DTNA: variants seen among roughly 807,000 people sequenced by gnomAD.
The protein encoded by DTNA is dystrophin-related protein 3.
A neutral mutation model predicts 100.7 loss-of-function variants in DTNA; 43 were observed. That is an observed-to-expected ratio of 0.43 (90% CI 0.33 to 0.55). DTNA has a LOEUF of 0.55. Ranked by LOEUF, DTNA falls within the 20% of genes least tolerant of loss-of-function variation. The pLI is 0.04. For missense variants in DTNA, 798 were observed against 953.9 expected (o/e 0.84, Z 2.15); for synonymous variants, 349 against 347.9 (o/e 1.00, Z -0.04).
chr18:34,634,060 G>A (rs1202079447), intron 1 of DTNA, among the ~76,000 whole-genome samples: 2 of 152,172 alleles, frequency 1.3e-5, no homozygotes, highest in Non-Finnish European at 2.9e-5. Flanking sequence ...AAAACATAGT[G>A]CATATCTATC....
chr18:34,818,659 T>A, intron 8 of DTNA: 2 of 1,146,518 alleles, frequency 1.7e-6, no homozygotes. Flanking sequence ...TAAGTTAAAA[T>A]CTTTTCCAAG....
At chr18:34,678,898 A>C (rs1400930717) in intron 1 of DTNA, among the ~76,000 whole-genome samples, 1 of 152,236 alleles carries the variant, frequency 6.6e-6, no homozygotes, top group African/African-American at 2.4e-5. Flanking sequence ...CAACATAATT[A>C]TATGGATTAT....
chr18:34,790,487 A>AT (rs2094679171), intron 3 of DTNA, among the ~76,000 whole-genome samples: 1 of 144,920 alleles, frequency 6.9e-6, no homozygotes, highest in Non-Finnish European at 1.5e-5. Flanking sequence ...AAGAAAAAAA[A>AT]CTTCAATCCT....
chr18:34,718,571 C>G (rs2146840079), intron 1 of DTNA, among the ~76,000 whole-genome samples: 1 of 152,136 alleles, frequency 6.6e-6, no homozygotes, highest in African/African-American at 2.4e-5. Context: ...CATCAAAGCC[C>G]CCACTGTTTT....
At chr18:34,644,768 C>T (rs893031315) in intron 1 of DTNA, among the ~76,000 whole-genome samples, 2 of 152,054 alleles carry the variant, frequency 1.3e-5, no homozygotes, top group South Asian at 2.1e-4. Flanking sequence ...CTGGCATTAG[C>T]GTTTCCTAGT....
intron 13 of DTNA, among the ~76,000 whole-genome samples, chr18:34,844,262 G>T (rs913445487): frequency 1.3e-5 from 2 of 152,036 alleles, no homozygotes; most frequent in African/African-American, 4.8e-5. Flanking sequence ...AATTCTTATT[G>T]TTATCCATGA....
chr18:34,810,540 G>C, intron 5 of DTNA, among the ~76,000 whole-genome samples: 1 of 151,416 alleles, frequency 6.6e-6, no homozygotes, highest in East Asian at 1.9e-4. Flanking sequence ...AGGGTAGGGG[G>C]CTGCAGGAGG....
At chr18:34,747,951 C>T (rs2091861721) in intron 1 of DTNA, among the ~76,000 whole-genome samples, 1 of 152,136 alleles carries the variant, frequency 6.6e-6, no homozygotes, top group Non-Finnish European at 1.5e-5. Flanking sequence ...TGTTCCCTTT[C>T]ACCCCATCCA....
At chr18:34,525,475 C>T (rs1021162081) in intron 1 of DTNA, among the ~76,000 whole-genome samples, 11 of 152,144 alleles carry the variant, frequency 7.2e-5, no homozygotes, top group Non-Finnish European at 1.6e-4. Context: ...TTCATCAGTA[C>T]TTGTCTTATA....
At chr18:34,511,205 A>G (rs1362236446) in intron 1 of DTNA, among the ~76,000 whole-genome samples, 6 of 152,126 alleles carry the variant, frequency 3.9e-5, no homozygotes, top group Non-Finnish European at 7.4e-5. Context: ...AAAAATTATT[A>G]TAAGTTTTCT....
intron 19 of DTNA, among the ~76,000 whole-genome samples, chr18:34,878,907 A>C (rs1343641179): frequency 1.3e-5 from 2 of 152,228 alleles, no homozygotes; most frequent in Non-Finnish European, 2.9e-5. Flanking sequence ...CAGTTTTAAA[A>C]AAATCCTGGA....
At position 34,759,572 on chromosome 18, in the gene DTNA, G is replaced by A. The variant is rs546874457; in HGVS notation, c.67+3529G>A. 1.3e-5 allele frequency among the ~76,000 whole-genome samples: 2 copies of A among 152,326 alleles called. 1 individual carries two copies. Among genetic ancestry groups the A allele is most frequent in the South Asian group, 4.1e-4 (2 of 4,826 alleles). ...ATTGAAGGCTGCCTAACAAGGTAAGGAAGGTCCTGGGGAGAAATGAGAGTG... is the reference window on the plus strand; with the variant it reads ...ATTGAAGGCTGCCTAACAAGGTAAGAAAGGTCCTGGGGAGAAATGAGAGTG... On this transcript the variant is annotated intron_variant, in intron 2 of 22. Transcript: ENST00000444659.
intron 1 of DTNA, among the ~76,000 whole-genome samples, chr18:34,500,486 CTG>C (rs2039780220): frequency 6.6e-6 from 1 of 150,430 alleles, no homozygotes; most frequent in South Asian, 2.1e-4. Flanking sequence ...TGTTTTGAGA[CTG>C]AGTCTCATTC....
At chr18:34,510,447 G>T (rs1280045823) in intron 1 of DTNA, among the ~76,000 whole-genome samples, 2 of 151,798 alleles carry the variant, frequency 1.3e-5, no homozygotes, top group African/African-American at 4.8e-5. Context: ...CACCAAGGCC[G>T]TGACAAGACT....
At chr18:34,554,906 G>T (rs1412185980) in intron 1 of DTNA, among the ~76,000 whole-genome samples, 1 of 150,084 alleles carries the variant, frequency 6.7e-6, no homozygotes, top group Non-Finnish European at 1.5e-5. Context: ...AGTTAGGGAG[G>T]ATTCCCCCTT....
At chr18:34,664,574 C>G (rs1402274052) in intron 1 of DTNA, among the ~76,000 whole-genome samples, 1 of 152,058 alleles carries the variant, frequency 6.6e-6, no homozygotes, top group Non-Finnish European at 1.5e-5. Context: ...GCTACACCAG[C>G]CTTCCAAACT....
chr18:34,866,322 A>G (rs1408225740), intron 17 of DTNA: 75 of 1,467,902 alleles, frequency 5.1e-5, no homozygotes, highest in Non-Finnish European at 1.2e-5. Context: ...TTTTATAACT[A>G]TCACTACTAT....
chr18:34,770,159 A>G (rs1381745584), intron 3 of DTNA, among the ~76,000 whole-genome samples: 1 of 152,242 alleles, frequency 6.6e-6, no homozygotes, highest in African/African-American at 2.4e-5. Flanking sequence ...GGTGGGGCAC[A>G]AACATTCAAA....
chr18:34,496,964 A>C (rs1432928914), intron 1 of DTNA, among the ~76,000 whole-genome samples: 1 of 152,184 alleles, frequency 6.6e-6, no homozygotes, highest in East Asian at 1.9e-4. Flanking sequence ...ATTTCACCTC[A>C]TTATCCATCC....
Sources: gnomAD v4.1 joint callset for allele counts (sites outside exome capture counted in the v4.1 genomes callset) on GRCh38, gnomAD v4.1.1 for gene constraint, MANE v1.5 for transcripts, NCBI Gene and HGNC (gene_info 2026-07-23, HGNC 2026-07-21) for gene names.